The following CTNNA3 variants were observed in gnomAD, a reference collection of about 807,000 sequenced individuals.
The protein encoded by CTNNA3 is catenin alpha 3.
CTNNA3 carries 76 observed loss-of-function variants against 95.7 expected under a neutral mutation model. The ratio of observed to expected loss-of-function variants is 0.79; its 90% CI spans 0.66 to 0.96. The LOEUF (loss-of-function observed/expected upper bound fraction) is 0.96, where lower values mean the gene tolerates loss of function less well. Among genes scored for constraint, CTNNA3 ranks in the 40% least tolerant of loss-of-function variants. The pLI, the probability that CTNNA3 is intolerant of heterozygous loss-of-function variation, is 0.00. For missense variants in CTNNA3, 1,191 were observed against 1,089.8 expected (o/e 1.09, Z -1.31); for synonymous variants, 431 against 374.4 (o/e 1.15, Z -1.74).
At chr10:67,552,905 C>A (rs1463013288) in intron 3 of CTNNA3, among the ~76,000 whole-genome samples, 2 of 152,108 alleles carry the variant, frequency 1.3e-5, no homozygotes, top group African/African-American at 2.4e-5. Flanking sequence ...TTTTCTTCAT[C>A]CAGTCTGTCA....
At chr10:67,367,333 A>G (rs1843252668) in intron 5 of CTNNA3, among the ~76,000 whole-genome samples, 1 of 152,110 alleles carries the variant, frequency 6.6e-6, no homozygotes, top group African/African-American at 2.4e-5. Context: ...ATACGAAAAA[A>G]ATATTCAACA....
chr10:67,367,889 G>A (rs528718392), intron 5 of CTNNA3, among the ~76,000 whole-genome samples: 7 of 152,158 alleles, frequency 4.6e-5, no homozygotes, highest in Middle Eastern at 3.4e-3. Context: ...ACAAGAGTGC[G>A]GAAAAAGGGA....
At chr10:66,306,337 C>T (rs2091933803) in intron 12 of CTNNA3, among the ~76,000 whole-genome samples, 1 of 152,142 alleles carries the variant, frequency 6.6e-6, no homozygotes, top group African/African-American at 2.4e-5. Context: ...AGGTCCTTCC[C>T]TGTTCTGAGT....
chr10:66,635,189 T>G (rs1227432479), intron 9 of CTNNA3, among the ~76,000 whole-genome samples: 2 of 152,096 alleles, frequency 1.3e-5, no homozygotes, highest in African/African-American at 4.8e-5. Flanking sequence ...ACCTGCCTAG[T>G]AAATTTAATA....
At chr10:67,100,019 T>C (rs1464865723) in intron 7 of CTNNA3, among the ~76,000 whole-genome samples, 3 of 151,730 alleles carry the variant, frequency 2.0e-5, no homozygotes, top group Admixed American at 6.6e-5. Flanking sequence ...CTTGCAAAGA[T>C]AGAAAAAGAA....
At chr10:67,456,887 C>T (rs1847193361) in intron 5 of CTNNA3, among the ~76,000 whole-genome samples, 1 of 152,046 alleles carries the variant, frequency 6.6e-6, no homozygotes, top group African/African-American at 2.4e-5. Context: ...TGAAAATAGA[C>T]TATGAGCCAA....
In CTNNA3 at chr10:67,524,848, AG is replaced by A. The variant is rs542849197; in HGVS notation, c.460-2888del. Among the ~76,000 whole-genome samples, 23 of 152,312 alleles carry A rather than the reference AG, an allele frequency of 1.5e-4. 1 individual carries two copies. The South Asian group carries it at 4.8e-3, about 32-fold the overall frequency. On this transcript the variant is annotated intron_variant, in intron 4 of 17. Transcript: ENST00000433211. ...GTGATGCTGAAGTACAGAAGATAAA[AG>A]TTAGGTTGAGGCCTAGGTTTTAAAG...
chr10:66,460,418 C>G (rs1475808533), intron 11 of CTNNA3, among the ~76,000 whole-genome samples: 1 of 152,124 alleles, frequency 6.6e-6, no homozygotes, highest in Non-Finnish European at 1.5e-5. Context: ...AAAAATAAAA[C>G]AGTTCATGTA....
chr10:67,198,878 A>G (rs1863502968), intron 6 of CTNNA3, among the ~76,000 whole-genome samples: 1 of 152,178 alleles, frequency 6.6e-6, no homozygotes, highest in Non-Finnish European at 1.5e-5. Flanking sequence ...TATAGTCTTT[A>G]AAGTTTTTAC....
intron 3 of CTNNA3, among the ~76,000 whole-genome samples, chr10:67,541,426 C>T (rs1173598009): frequency 1.3e-5 from 2 of 151,892 alleles, no homozygotes; most frequent in Non-Finnish European, 2.9e-5. Flanking sequence ...TGAGGAGGGT[C>T]TGAGACTGTC....
chr10:66,440,585 T>C (rs1564964825), intron 11 of CTNNA3, among the ~76,000 whole-genome samples: 1 of 152,162 alleles, frequency 6.6e-6, no homozygotes, highest in Non-Finnish European at 1.5e-5. Flanking sequence ...GTGACTTTTG[T>C]AACTATACAC....
At chr10:66,391,623 T>C (rs1478701667) in intron 11 of CTNNA3, among the ~76,000 whole-genome samples, 5 of 152,148 alleles carry the variant, frequency 3.3e-5, no homozygotes, top group Non-Finnish European at 5.9e-5. Context: ...TGATTCTTGT[T>C]ACAAAAAGTG....
At chr10:67,747,462 C>T (rs1423566019) in intron 1 of CTNNA3, among the ~76,000 whole-genome samples, 2 of 152,062 alleles carry the variant, frequency 1.3e-5, no homozygotes, top group African/African-American at 2.4e-5. Context: ...TCTCCAGGTG[C>T]GAGAGGGACC....
At chr10:66,021,018 T>C (rs2079194500) in intron 15 of CTNNA3, among the ~76,000 whole-genome samples, 1 of 152,186 alleles carries the variant, frequency 6.6e-6, no homozygotes, top group Non-Finnish European at 1.5e-5. Flanking sequence ...TCTTTCTTGA[T>C]CACTGACTCT....
intron 15 of CTNNA3, among the ~76,000 whole-genome samples, chr10:66,021,871 A>ATTTTTTTTTTT (rs1589258804): frequency 4.2e-5 from 1 of 24,010 alleles, no homozygotes; most frequent in East Asian, 6.4e-3. Context: ...TTTTTTTTAG[A>ATTTTTTTTTTT]TAGATAGGGT....
intron 9 of CTNNA3, among the ~76,000 whole-genome samples, chr10:66,685,574 A>G (rs946427625): frequency 2.0e-5 from 3 of 150,034 alleles, no homozygotes; most frequent in African/African-American, 4.9e-5. Context: ...GGGTTTCACC[A>G]TGTTAGCCAG....
At chr10:66,139,095 T>C (rs577188251) in intron 13 of CTNNA3, among the ~76,000 whole-genome samples, 20 of 152,320 alleles carry the variant, frequency 1.3e-4, no homozygotes, top group African/African-American at 4.3e-4. Flanking sequence ...AATTCTAAAA[T>C]CTGACAGATT....
chr10:66,469,351 AG>A (rs1839044179), intron 11 of CTNNA3, among the ~76,000 whole-genome samples: 1 of 151,902 alleles, frequency 6.6e-6, no homozygotes, highest in South Asian at 2.1e-4. Flanking sequence ...TCTGAGACAA[AG>A]GGTAGAGAAT....
intron 13 of CTNNA3, among the ~76,000 whole-genome samples, chr10:66,134,857 C>CAAT (rs10630541): frequency 0.83 from 125,820 of 151,780 alleles, 52,323 homozygotes; most frequent in South Asian, 0.92. Flanking sequence ...CAGAGAAAAA[C>CAAT]AAAGATTTAA....
Sources: allele counts gnomAD v4.1 joint callset (sites outside exome capture counted in the v4.1 genomes callset), GRCh38; gene constraint gnomAD v4.1.1; transcripts MANE v1.5; gene names NCBI Gene and HGNC (gene_info 2026-07-23, HGNC 2026-07-21).